The following EYS variants were observed in gnomAD, a reference collection of about 807,000 sequenced individuals.
The protein encoded by EYS is EGF-like photoreceptor maintenance factor, also known as protein eyes shut homolog.
EYS carries 250 observed loss-of-function variants against 282.1 expected under a neutral mutation model. That is an observed-to-expected ratio of 0.89 (90% CI 0.80 to 0.98). The LOEUF is 0.98. Among genes scored for constraint, EYS ranks in the 50% least tolerant of loss-of-function variants. EYS has a pLI of 0.00. For synonymous variants in EYS, 1,355 were observed against 1,282.9 expected (o/e 1.06, Z -1.20); for missense variants, 4,016 against 3,709.0 (o/e 1.08, Z -2.15).
intron 22 of EYS, among the ~76,000 whole-genome samples, chr6:64,699,873 G>T (rs998155545): frequency 1.3e-5 from 2 of 151,920 alleles, no homozygotes; most frequent in Non-Finnish European, 2.9e-5. Context: ...GTCAAGGCCG[G>T]AAAGGGACAC....
rs190485183 is a variant in EYS, at chr6:64,423,585, G to A, written c.5927+12589C>T. Among the ~76,000 whole-genome samples, 476 of 152,194 alleles carry A rather than the reference G, an allele frequency of 3.1e-3. 2 individuals carry two copies. The highest frequency in any genetic ancestry group is 5.5e-3 in the Non-Finnish European group (372 of 68,002). On this transcript the variant is annotated intron_variant, in intron 28 of 42. Transcript: ENST00000503581. Reference sequence around the variant, plus strand: ...AACCAAATTCTTGGCCAAAGCAGGCGGATCACAAGGTCAAGAGTTCCAGAC... The same window carrying A: ...AACCAAATTCTTGGCCAAAGCAGGCAGATCACAAGGTCAAGAGTTCCAGAC...
chr6:65,129,959 T>C (rs1468547056), intron 12 of EYS, among the ~76,000 whole-genome samples: 4 of 151,844 alleles, frequency 2.6e-5, no homozygotes, highest in African/African-American at 9.7e-5. Flanking sequence ...ATATACATCA[T>C]AGAATCTTAT....
At chr6:65,536,307 GAGA>G (rs1490328803) in intron 2 of EYS, among the ~76,000 whole-genome samples, 1 of 148,496 alleles carries the variant, frequency 6.7e-6, no homozygotes, top group East Asian at 2.0e-4. Flanking sequence ...GCAAGTGGTT[GAGA>G]AGGAGTAGCA....
chr6:65,020,582 C>T lies in EYS; in HGVS notation c.2138-22879G>A, dbSNP rs537215794. Among the ~76,000 whole-genome samples the T allele has an allele frequency of 3.0e-4, 46 of 152,270 alleles. 1 individual carries two copies. In the East Asian group the frequency reaches 3.7e-3, roughly 12 times the overall value. On this transcript the variant is annotated intron_variant, in intron 13 of 42. Coordinates refer to ENST00000503581, the MANE Select transcript of EYS (RefSeq NM_001142800.2). ...GGTGTCTGCTACTTTTCCAGGGGCA[C>T]GGTGCAAGCTGTCAGTGGATTTACC...
intron 12 of EYS, among the ~76,000 whole-genome samples, chr6:65,238,182 G>A (rs1238534845): frequency 2.6e-5 from 4 of 151,122 alleles, no homozygotes; most frequent in African/African-American, 9.7e-5. Flanking sequence ...ATTAATTCCT[G>A]TTATATTTTT....
At position 65,201,358 on chromosome 6, in the gene EYS, G is replaced by A. The variant is rs201267467; in HGVS notation, c.2023+94505C>T. On this transcript the variant is annotated intron_variant, in intron 12 of 42. Coordinates refer to ENST00000503581, the MANE Select transcript of EYS (RefSeq NM_001142800.2). ...AATTCCAGCATTTTATTACTAAAAG[G>A]ACACATATACAATAAGTAGTAAATA... Among the ~76,000 whole-genome samples the A allele has an allele frequency of 1.6e-4, 24 of 152,128 alleles. No individual in the cohort carries two copies. In the East Asian group the frequency reaches 3.9e-3, roughly 25 times the overall value.
At chr6:63,852,558 G>T (rs1772286843) in intron 36 of EYS, among the ~76,000 whole-genome samples, 2 of 152,162 alleles carry the variant, frequency 1.3e-5, no homozygotes, top group African/African-American at 2.4e-5. Flanking sequence ...GAGGTACAAA[G>T]AGGAGTTGGT....
At chr6:65,528,644 G>T (rs564330150) in intron 2 of EYS, among the ~76,000 whole-genome samples, 1 of 152,196 alleles carries the variant, frequency 6.6e-6, no homozygotes, top group Non-Finnish European at 1.5e-5. Context: ...GAACTTCTCT[G>T]TCTCCTGAAC....
intron 1 of EYS, among the ~76,000 whole-genome samples, chr6:65,670,855 C>A (rs72884156): frequency 0.048 from 7,235 of 151,528 alleles, 238 homozygotes; most frequent in South Asian, 0.077. Flanking sequence ...GTTTCCTTGG[C>A]CACAGTTATA....
chr6:64,281,223 C>G (rs1005059477), intron 30 of EYS, among the ~76,000 whole-genome samples: 2 of 151,936 alleles, frequency 1.3e-5, no homozygotes, highest in Non-Finnish European at 2.9e-5. Flanking sequence ...TATGTAAATT[C>G]TATCTATGAC....
At chr6:65,493,654 G>A (rs1055338592) in intron 4 of EYS, among the ~76,000 whole-genome samples, 4 of 152,034 alleles carry the variant, frequency 2.6e-5, no homozygotes, top group Non-Finnish European at 4.4e-5. Context: ...CAAACTTCAC[G>A]TTAGCCTCAG....
chr6:65,415,252 T>C (rs1767184352), intron 5 of EYS, among the ~76,000 whole-genome samples: 1 of 151,962 alleles, frequency 6.6e-6, no homozygotes, highest in African/African-American at 2.4e-5. Context: ...CAAAGGATGG[T>C]CCCTTAACCA....
At position 64,731,293 on chromosome 6, in the gene EYS, CT is replaced by C. The variant is rs759839202; in HGVS notation, c.3443+82084del. ...AGTTGACATATGGGATCTAATTAAA[CT>C]AAGAGCTTCTGCACAGCAAAAAACA... On this transcript the variant is annotated intron_variant, in intron 22 of 42. Coordinates refer to ENST00000503581, the MANE Select transcript of EYS (RefSeq NM_001142800.2). Among the ~76,000 whole-genome samples, 19 of 152,084 alleles carry C rather than the reference CT, an allele frequency of 1.2e-4. No individual in the cohort carries two copies. In the East Asian group the frequency reaches 3.3e-3, roughly 26 times the overall value.
chr6:64,611,048 C>T (rs1464144380), intron 24 of EYS, among the ~76,000 whole-genome samples: 1 of 150,966 alleles, frequency 6.6e-6, no homozygotes, highest in African/African-American at 2.4e-5. Context: ...TTTGTTTCTT[C>T]CCCCATGCAT....
At chr6:64,303,002 A>G (rs1300466181) in intron 30 of EYS, among the ~76,000 whole-genome samples, 2 of 151,956 alleles carry the variant, frequency 1.3e-5, no homozygotes. Context: ...GAAGAAAAGG[A>G]CCCTACAGGA....
At chr6:64,827,413 T>G (rs1765092280) in intron 19 of EYS, among the ~76,000 whole-genome samples, 2 of 151,898 alleles carry the variant, frequency 1.3e-5, no homozygotes, top group South Asian at 4.1e-4. Context: ...ACTACTTATT[T>G]GAGCTCAGGG....
chr6:64,627,916 A>T (rs913130274), intron 22 of EYS, among the ~76,000 whole-genome samples: 10 of 151,984 alleles, frequency 6.6e-5, no homozygotes, highest in Non-Finnish European at 1.3e-4. Context: ...AATCTCTACT[A>T]AAAAATACAA....
rs776055954 is a variant in EYS at position 65,334,999 on chromosome 6, C to A, written c.1747G>T (p.Asp583Tyr). Residue 583 changes from aspartate to tyrosine, a missense_variant, in exon 11 of 43, where the codon GAT becomes TAT. Physicochemically the swap from Asp to Tyr is radical, Grantham distance 160. Coordinates refer to ENST00000503581, the MANE Select transcript of EYS (RefSeq NM_001142800.2). ...NECQHEAVCK[D>Y]EINRPRCSCS... is the part of the protein sequence containing the mutation. ...AAATACCTGGGTCTATTAATTTCAT[C>A]TTTACAAACAGCTTCATGTTGACAC... 3.2e-5 allele frequency: 51 copies of A among 1,609,788 alleles called. No individual in the cohort carries two copies. In the Admixed American group the frequency reaches 8.5e-4, roughly 27 times the overall value.
At chr6:64,308,220 TC>T (rs1221037068) in intron 29 of EYS, among the ~76,000 whole-genome samples, 6 of 152,034 alleles carry the variant, frequency 3.9e-5, no homozygotes, top group Non-Finnish European at 7.4e-5. Flanking sequence ...CCTTTTGTGT[TC>T]TGCAGCCTGT....
Sources: gnomAD v4.1 joint callset for allele counts (sites outside exome capture counted in the v4.1 genomes callset) on GRCh38, gnomAD v4.1.1 for gene constraint, MANE v1.5 for transcripts, NCBI Gene and HGNC (gene_info 2026-07-23, HGNC 2026-07-21) for gene names.